PLEKHA5: variants seen among roughly 807,000 people sequenced by gnomAD.
PLEKHA5 encodes the protein pleckstrin homology domain containing A5.
PLEKHA5 carries 55 observed loss-of-function variants against 181.9 expected under a neutral mutation model. The observed-to-expected ratio is 0.30, with a 90% confidence interval of 0.24 to 0.38. The LOEUF is 0.38. PLEKHA5 is among the 10% of genes least tolerant of loss of function. The pLI is 1.00. For synonymous variants in PLEKHA5, 535 were observed against 529.4 expected (o/e 1.01, Z -0.15); for missense variants, 1,432 against 1,549.5 (o/e 0.92, Z 1.27).
At chr12:19,153,420 C>CT (rs1328541363) in intron 3 of PLEKHA5, 1 of 152,074 alleles carries the variant, frequency 6.6e-6, no homozygotes, top group Non-Finnish European at 1.5e-5. Flanking sequence ...ATGAAGTACT[C>CT]TTTTTTCCAA....
chr12:19,333,046 CCATT>C (rs2093002831), intron 20 of PLEKHA5, among the ~76,000 whole-genome samples: 3 of 152,262 alleles, frequency 2.0e-5, no homozygotes, highest in African/African-American at 7.2e-5. Context: ...TTGAAAGAAT[CCATT>C]CAGGCGGGCA....
At chr12:19,258,353 A>G (rs1242944624) in intron 6 of PLEKHA5, among the ~76,000 whole-genome samples, 1 of 152,136 alleles carries the variant, frequency 6.6e-6, no homozygotes, top group African/African-American at 2.4e-5. Context: ...ATATACGTAC[A>G]GATGATACAA....
At chr12:19,351,811 C>T (rs2094607036) in intron 25 of PLEKHA5, among the ~76,000 whole-genome samples, 1 of 152,056 alleles carries the variant, frequency 6.6e-6, no homozygotes, top group South Asian at 2.1e-4. Context: ...CAGTGGCTCA[C>T]ACCTGTAATC....
At chr12:19,218,910 T>TA (rs199794347) in intron 3 of PLEKHA5, among the ~76,000 whole-genome samples, 12 of 147,888 alleles carry the variant, frequency 8.1e-5, no homozygotes, top group Admixed American at 4.7e-4. Context: ...ATTATTATTT[T>TA]TTTTTTTACT....
At chr12:19,255,330 G>A (rs1009945991) in intron 5 of PLEKHA5, among the ~76,000 whole-genome samples, 165 bp downstream of exon 5, 4 of 152,056 alleles carry the variant, frequency 2.6e-5, no homozygotes, top group Admixed American at 2.6e-4. Context: ...AAAGTAATAA[G>A]ATTGTAATTC....
chr12:19,147,956 C>T (rs974500348), intron 3 of PLEKHA5, among the ~76,000 whole-genome samples: 56 of 152,282 alleles, frequency 3.7e-4, no homozygotes, highest in Admixed American at 2.3e-3. Context: ...AGGTTGATCT[C>T]GAACTCCTGG....
intron 3 of PLEKHA5, among the ~76,000 whole-genome samples, chr12:19,186,605 T>A (rs964146876): frequency 6.6e-6 from 1 of 152,212 alleles, no homozygotes; most frequent in Non-Finnish European, 1.5e-5. Context: ...GTAAAAAGTT[T>A]AGATTGAAAT....
chr12:19,278,000 T>G (rs1249102807), intron 11 of PLEKHA5, among the ~76,000 whole-genome samples: 3 of 152,234 alleles, frequency 2.0e-5, no homozygotes, highest in Admixed American at 6.5e-5. Context: ...TGTTCATTTC[T>G]TAAGCTTTCA....
intron 20 of PLEKHA5, among the ~76,000 whole-genome samples, chr12:19,329,442 G>T (rs755405691): frequency 6.6e-6 from 1 of 152,080 alleles, no homozygotes; most frequent in Non-Finnish European, 1.5e-5. Context: ...GGTAGAAATC[G>T]GCTGTGAATC....
intron 27 of PLEKHA5, 51 bp downstream of exon 27, chr12:19,358,488 AT>A: frequency 2.4e-6 from 3 of 1,252,018 alleles, no homozygotes; most frequent in Non-Finnish European, 3.5e-6. Context: ...GTATCACTGA[AT>A]TTTGGAATCA....
rs889154924 is a variant in PLEKHA5 at position 19,274,560 on chromosome 12, A to G, written c.890A>G (p.Asn297Ser). The G allele has an allele frequency of 2.5e-6, 4 of 1,612,304 alleles. No homozygotes were observed. The highest frequency in any genetic ancestry group is 2.5e-6 in the Non-Finnish European group (3 of 1,179,328). ...GAAAATGCACCAACTAAAGAAACCA[A>G]TAACATTCCCAACCATAGAGTGCTA... The part of the protein sequence containing the change: ...TSENAPTKET[N>S]NIPNHRVLIK... The change falls in exon 11 of 32, where the codon AAT becomes AGT. Residue 297 changes from asparagine to serine, a missense_variant. By Grantham distance (46) the Asn-to-Ser change is conservative (BLOSUM62 1). Around this residue, in one of 2 missense-constraint regions of PLEKHA5, gnomAD observed 289 missense variants for 381.1 expected, o/e 0.76. Transcript: ENST00000429027.
At chr12:19,203,953 G>C (rs56184887) in intron 3 of PLEKHA5, among the ~76,000 whole-genome samples, 15,903 of 151,894 alleles carry the variant, frequency 0.1, 1,260 homozygotes, top group African/African-American at 0.22. Flanking sequence ...CAGAACTACC[G>C]CACCCCCATA....
chr12:19,253,064 C>CTTTTTTTTTTTTTTTTTTTTTTTGT (rs2065797892), intron 3 of PLEKHA5, among the ~76,000 whole-genome samples: 1 of 45,834 alleles, frequency 2.2e-5, no homozygotes, highest in Non-Finnish European at 4.6e-5. Flanking sequence ...ATCAACTTAC[C>CTTTTTTTTTTTTTTTTTTTTTTTGT]TTTTTTTTTT....
At chr12:19,354,199 T>A (rs1344065439) in intron 26 of PLEKHA5, among the ~76,000 whole-genome samples, 197 bp downstream of exon 26, 16 of 119,724 alleles carry the variant, frequency 1.3e-4, no homozygotes, top group African/African-American at 4.6e-4. Flanking sequence ...TCGCCCAGGC[T>A]GGAGTGCTGT....
chr12:19,272,178 A>G (rs2073071489), intron 10 of PLEKHA5, among the ~76,000 whole-genome samples: 1 of 152,172 alleles, frequency 6.6e-6, no homozygotes, highest in Non-Finnish European at 1.5e-5. Flanking sequence ...AAAAAAATCT[A>G]AGTATAATAT....
chr12:19,270,403 C>T (rs1480028865), intron 10 of PLEKHA5, among the ~76,000 whole-genome samples, 198 bp downstream of exon 10: 7 of 151,964 alleles, frequency 4.6e-5, no homozygotes, highest in Admixed American at 4.6e-4. Flanking sequence ...TTCAACATTT[C>T]TGATTAATTT....
At chr12:19,235,095 T>C (rs1009085142) in intron 3 of PLEKHA5, among the ~76,000 whole-genome samples, 1 of 152,160 alleles carries the variant, frequency 6.6e-6, no homozygotes, top group Admixed American at 6.5e-5. Flanking sequence ...CTGAAAAAAA[T>C]GAGAAGGATC....
At chr12:19,322,496 G>GTTCT (rs2091120742) in intron 19 of PLEKHA5, 22 bp from the exon 20 acceptor site, 2 of 1,611,414 alleles carry the variant, frequency 1.2e-6, no homozygotes, top group African/African-American at 2.7e-5. Context: ...AACATTAAGT[G>GTTCT]TAATTCTTTT....
intron 3 of PLEKHA5, among the ~76,000 whole-genome samples, chr12:19,251,364 G>T (rs1007589948): frequency 6.7e-6 from 1 of 148,768 alleles, no homozygotes; most frequent in Admixed American, 6.8e-5. Context: ...CTGAGATTGC[G>T]CCACTTCACT....
Sources: gnomAD v4.1 joint callset for allele counts (sites outside exome capture counted in the v4.1 genomes callset) on GRCh38, gnomAD v4.1.1 for gene constraint, gnomAD v4.1.1 regional missense constraint, MANE v1.5 for transcripts, NCBI Gene and HGNC (gene_info 2026-07-23, HGNC 2026-07-21) for gene names.